CCDC63: variants seen among roughly 807,000 people sequenced by gnomAD.
CCDC63 encodes the protein coiled-coil domain-containing protein 63.
CCDC63 carries 54 observed loss-of-function variants against 63.6 expected under a neutral mutation model. The observed-to-expected ratio is 0.85, with a 90% CI of 0.68 to 1.07. The LOEUF (loss-of-function observed/expected upper bound fraction) is 1.07. Among genes scored for constraint, CCDC63 ranks in the 50% least tolerant of loss-of-function variants. The pLI is 0.00. For synonymous variants in CCDC63, 253 were observed against 266.1 expected (o/e 0.95, Z 0.48); for missense variants, 637 against 689.6 (o/e 0.92, Z 0.86).
upstream of CCDC63, chr12:110,845,676 G>A (rs551011689): frequency 6.6e-6 from 1 of 152,022 alleles, no homozygotes; most frequent in East Asian, 1.9e-4. Flanking sequence ...TTCCCTCATG[G>A]TTACAACGTG....
chr12:110,867,027 CG>C (rs1327049532), intron 4 of CCDC63, among the ~76,000 whole-genome samples: 1 of 112,956 alleles, frequency 8.9e-6, no homozygotes, highest in African/African-American at 3.4e-5. Flanking sequence ...CCGGACGGGG[CG>C]GCTGGCCGGG....
At chr12:110,906,709 G>C (rs116433445) in intron 11 of CCDC63, among the ~76,000 whole-genome samples, 2 of 152,006 alleles carry the variant, frequency 1.3e-5, no homozygotes, top group African/African-American at 4.8e-5. Context: ...CAGCTGAGGA[G>C]ACTGAAACGC....
intron 8 of CCDC63, among the ~76,000 whole-genome samples, chr12:110,888,258 C>T (rs1357937472): frequency 1.3e-5 from 2 of 152,180 alleles, no homozygotes; most frequent in African/African-American, 4.8e-5. Flanking sequence ...GGGCAGGACC[C>T]TGAATTCTCG....
chr12:110,873,036 C>G (rs2071086129), intron 4 of CCDC63, among the ~76,000 whole-genome samples: 1 of 152,152 alleles, frequency 6.6e-6, no homozygotes. Context: ...GAGTTCGAAA[C>G]CAGGCTGGCC....
At position 110,881,221 on chromosome 12, in the gene CCDC63, A is replaced by T; in HGVS notation, c.778A>T (p.Ser260Cys). The change falls in exon 7 of 12, where the codon AGC (serine) becomes TGC (cysteine). Residue 260 changes from serine (S) to cysteine (C), a missense_variant. By Grantham distance (112) the Ser-to-Cys change is moderately radical. Transcript: ENST00000308208. Reference protein sequence around the residue: ...RELERLYAHESKLKSFLLVKL... With the variant: ...RELERLYAHECKLKSFLLVKL... Reference sequence around the variant, plus strand: ...GCTGGAGCGTCTCTATGCCCATGAGAGCAAGCTCAAGTCCTTCCTGCTCGT... The same window carrying T: ...GCTGGAGCGTCTCTATGCCCATGAGTGCAAGCTCAAGTCCTTCCTGCTCGT... 1 of 1,613,936 alleles carries T rather than the reference A, an allele frequency of 6.2e-7. No individual in the cohort carries two copies.
At chr12:110,867,601 C>T (rs1426660536) in intron 4 of CCDC63, among the ~76,000 whole-genome samples, 38 of 134,332 alleles carry the variant, frequency 2.8e-4, no homozygotes, top group Non-Finnish European at 3.6e-4. Flanking sequence ...CCCTCCCAGA[C>T]GGGGCGGCTG....
rs374194206 is a variant in CCDC63 at position 110,890,812 on chromosome 12, C to T, written c.1075-2264C>T. Among the ~76,000 whole-genome samples, 3 of 120,140 alleles carry T rather than the reference C, an allele frequency of 2.5e-5. No homozygotes were observed. The East Asian group carries it at 7.5e-4, about 30-fold the overall frequency. The allele number at this position is 120,140 out of a possible 152,430, so 78.8% of individuals were successfully genotyped here. On this transcript the variant is annotated intron_variant, in intron 8 of 11. Transcript: ENST00000308208. ...TTTTTTTTTGAGACAGGATCTTGCT[C>T]TATCGCCTGGCTGGAGTGCAGTGGC...
chr12:110,877,685 T>A (rs957791584), intron 5 of CCDC63, among the ~76,000 whole-genome samples: 2 of 151,228 alleles, frequency 1.3e-5, no homozygotes, highest in African/African-American at 2.4e-5. Flanking sequence ...TCTCTATCTC[T>A]GTATATTTGA....
chr12:110,890,302 C>T (rs927973233), intron 8 of CCDC63, among the ~76,000 whole-genome samples: 3 of 133,022 alleles, frequency 2.3e-5, no homozygotes, highest in Non-Finnish European at 4.9e-5. Context: ...GACCCTGTCT[C>T]AAAAAAAAAA....
chr12:110,883,684 G>A (rs1401429143), intron 7 of CCDC63, among the ~76,000 whole-genome samples: 2 of 152,036 alleles, frequency 1.3e-5, no homozygotes, highest in African/African-American at 4.8e-5. Flanking sequence ...CCATCGCCCA[G>A]GCTGGAGTGC....
At position 110,872,099 on chromosome 12, in the gene CCDC63, T is replaced by C. The variant is rs201140184; in HGVS notation, c.370-1743T>C. Among the ~76,000 whole-genome samples, 3 of 152,348 alleles carry C rather than the reference T, an allele frequency of 2.0e-5. No homozygotes were observed. In the East Asian group the frequency reaches 5.8e-4, roughly 29 times the overall value. On this transcript the variant is annotated intron_variant, in intron 4 of 11. Coordinates refer to ENST00000308208, the MANE Select transcript of CCDC63 (RefSeq NM_152591.3). ...AATGATATTTATTTTGATACGTGAA[T>C]GTCCTCATCTGACTTACCTAGAACA...
chr12:110,872,534 T>C (rs2071080421), intron 4 of CCDC63, among the ~76,000 whole-genome samples: 1 of 152,252 alleles, frequency 6.6e-6, no homozygotes, highest in African/African-American at 2.4e-5. Context: ...AATCTTCTCT[T>C]GATTGATACA....
intron 4 of CCDC63, among the ~76,000 whole-genome samples, chr12:110,867,063 A>G (rs1293869831): frequency 7.8e-6 from 1 of 128,024 alleles, no homozygotes; most frequent in Non-Finnish European, 1.7e-5. Context: ...ACCTCCCAGT[A>G]GGGGCGGCCG....
intron 5 of CCDC63, 101 bp downstream of exon 5, chr12:110,874,062 C>T (rs933549948): frequency 6.9e-7 from 1 of 1,444,506 alleles, no homozygotes; most frequent in Admixed American, 2.3e-5. Context: ...TACCCATTTC[C>T]CTGGTTGACT....
intron 10 of CCDC63, 113 bp downstream of exon 10, chr12:110,899,238 G>A: frequency 2.2e-6 from 2 of 909,796 alleles, no homozygotes; most frequent in Non-Finnish European, 3.3e-6. Flanking sequence ...AAGTGTGTGG[G>A]CACTAAAGCC....
rs181011654 is a variant in CCDC63 at position 110,849,312 on chromosome 12, G to T, written c.-97+2207G>T. ...CTAGAGGTAGGCAGTTCCAGGGATG[G>T]GGCAGTAGCCAACAGTGTCAGTTAG... On this transcript the variant is annotated intron_variant, in intron 1 of 11. Coordinates refer to ENST00000308208, the MANE Select transcript of CCDC63 (RefSeq NM_152591.3). Among the ~76,000 whole-genome samples the T allele has an allele frequency of 4.5e-3, 685 of 152,220 alleles. 6 individuals are homozygous for T. The highest frequency in any genetic ancestry group is 0.015 in the African/African-American group (642 of 41,528).
chr12:110,872,783 G>T (rs2071083449), intron 4 of CCDC63, among the ~76,000 whole-genome samples: 1 of 152,046 alleles, frequency 6.6e-6, no homozygotes, highest in African/African-American at 2.4e-5. Flanking sequence ...ATGCCACCAA[G>T]CCTGACTATT....
intron 4 of CCDC63, among the ~76,000 whole-genome samples, chr12:110,867,187 C>A (rs1222996698): frequency 7.2e-6 from 1 of 139,316 alleles, no homozygotes; most frequent in Non-Finnish European, 1.6e-5. Flanking sequence ...GACACCCCCA[C>A]CTCCCTCCCG....
intron 4 of CCDC63, among the ~76,000 whole-genome samples, chr12:110,871,299 G>A (rs538767554): frequency 2.0e-5 from 3 of 152,016 alleles, no homozygotes; most frequent in African/African-American, 4.8e-5. Flanking sequence ...CCGCCACCAC[G>A]CCTGGCTATT....
Sources: allele counts gnomAD v4.1 joint callset (sites outside exome capture counted in the v4.1 genomes callset), GRCh38; gene constraint gnomAD v4.1.1; transcripts MANE v1.5; gene names NCBI Gene and HGNC (gene_info 2026-07-23, HGNC 2026-07-21).